QRSL1: variants seen among roughly 807,000 people sequenced by gnomAD.
QRSL1 encodes glutamyl-tRNA(Gln) amidotransferase subunit A, mitochondrial.
QRSL1 carries 54 observed loss-of-function variants against 61.6 expected under a neutral mutation model. That is an observed-to-expected ratio of 0.88 (90% CI 0.70 to 1.10). The LOEUF (loss-of-function observed/expected upper bound fraction) is 1.10, where lower values mean the gene tolerates loss of function less well. Ranked by LOEUF, QRSL1 falls within the 50% of genes least tolerant of loss-of-function variation. QRSL1 has a pLI of 0.00. For synonymous variants in QRSL1, 228 were observed against 225.7 expected (o/e 1.01, Z -0.09); for missense variants, 505 against 622.6 (o/e 0.81, Z 2.01).
intron 3 of QRSL1, among the ~76,000 whole-genome samples, chr6:106,641,957 TGGAA>T (rs2114703703): frequency 6.6e-6 from 1 of 152,356 alleles, no homozygotes; most frequent in African/African-American, 2.4e-5. Flanking sequence ...AAAAAATTAC[TGGAA>T]GGAAGTACAA....
At chr6:106,635,826 G>A (rs553066575) in intron 1 of QRSL1, among the ~76,000 whole-genome samples, 9 of 150,394 alleles carry the variant, frequency 6.0e-5, no homozygotes, top group Non-Finnish European at 7.4e-5. Flanking sequence ...AGCCGAGATC[G>A]CACCACTGCA....
At position 106,645,710 on chromosome 6, in the gene QRSL1, C is replaced by T. The variant is rs186538743; in HGVS notation, c.380+2620C>T. Among the ~76,000 whole-genome samples the T allele has an allele frequency of 1.2e-3, 184 of 152,318 alleles. 2 individuals are homozygous for T. The highest frequency in any genetic ancestry group is 4.2e-3 in the African/African-American group (176 of 41,580). ...TGTTGGGATTATAGGCGTGAGCCAC[C>T]GCCCCCAGCCATGTTTCTTAATGCT... On this transcript the variant is annotated intron_variant, in intron 4 of 10. Coordinates refer to ENST00000369046, the MANE Select transcript of QRSL1 (RefSeq NM_018292.5).
chr6:106,638,293 G>T (rs138916633), intron 1 of QRSL1, among the ~76,000 whole-genome samples: 2 of 135,936 alleles, frequency 1.5e-5, no homozygotes, highest in African/African-American at 5.4e-5. Flanking sequence ...TTCTTCTAGA[G>T]GGTTTACATT....
Position 106,652,544 on chromosome 6 carries a change from T to G in QRSL1, c.811T>G (p.Leu271Val). The change falls in exon 7 of 11, where the codon TTG (leucine) becomes GTG (valine). Residue 271 changes from leucine to valine, a missense_variant. Coordinates refer to ENST00000369046, the MANE Select transcript of QRSL1 (RefSeq NM_018292.5). The stretch of plus-strand genomic sequence containing the variant: ...TAATAAACCATTCATGCTTCCCAGT[T>G]TGGCAGATGTGAGCAAACTATGTAT... ...PINKPFMLPS[L>V]ADVSKLCIGI... 1 of 1,614,236 alleles carries G rather than the reference T, an allele frequency of 6.2e-7. No individual in the cohort carries two copies. The highest frequency in any genetic ancestry group is 8.5e-7 in the Non-Finnish European group (1 of 1,180,044).
chr6:106,648,856 T>C (rs1436664740), intron 4 of QRSL1, among the ~76,000 whole-genome samples, 169 bp from the exon 5 acceptor site: 1 of 152,230 alleles, frequency 6.6e-6, no homozygotes, highest in Non-Finnish European at 1.5e-5. Context: ...TCCGCAACTG[T>C]CAATTAATGA....
intron 1 of QRSL1, among the ~76,000 whole-genome samples, chr6:106,633,949 A>T (rs542135696): frequency 7.9e-5 from 5 of 63,258 alleles, no homozygotes; most frequent in South Asian, 4.0e-4. Context: ...TAAACACTTT[A>T]AAAAAAAAAA....
At position 106,652,548 on chromosome 6, in the gene QRSL1, C is replaced by T. The variant is rs747381954; in HGVS notation, c.815C>T (p.Ala272Val). The change falls in exon 7 of 11, where the codon GCA (alanine) becomes GTA (valine). Residue 272 changes from alanine to valine, a missense_variant. By Grantham distance (64) the Ala-to-Val change is moderately conservative. Transcript: ENST00000369046. ...AAACCATTCATGCTTCCCAGTTTGGCAGATGTGAGCAAACTATGTATAGGA... is the reference window on the plus strand; with the variant it reads ...AAACCATTCATGCTTCCCAGTTTGGTAGATGTGAGCAAACTATGTATAGGA... ...INKPFMLPSLADVSKLCIGIP... is the reference protein window; with the variant it reads ...INKPFMLPSLVDVSKLCIGIP... 16 of 1,614,070 alleles carry T rather than the reference C, an allele frequency of 9.9e-6. No homozygotes were observed. In the East Asian group the frequency reaches 3.1e-4, roughly 31 times the overall value.
chr6:106,656,894 C>T (rs1043715677), intron 9 of QRSL1, among the ~76,000 whole-genome samples: 2 of 152,204 alleles, frequency 1.3e-5, no homozygotes, highest in African/African-American at 4.8e-5. Flanking sequence ...TGGGTTCGAG[C>T]AATCCACCCA....
chr6:106,654,120 G>A (rs1188500691), intron 7 of QRSL1, among the ~76,000 whole-genome samples: 9 of 152,296 alleles, frequency 5.9e-5, no homozygotes, highest in African/African-American at 2.2e-4. Context: ...GGGAGGCCGA[G>A]GCGGGCAGAT....
chr6:106,660,210 T>G (rs994657420), intron 9 of QRSL1, among the ~76,000 whole-genome samples: 5 of 152,070 alleles, frequency 3.3e-5, no homozygotes, highest in African/African-American at 1.2e-4. Context: ...TTTCTTTTCT[T>G]TTTTTGGAGA....
At chr6:106,659,663 T>C (rs975977152) in intron 9 of QRSL1, among the ~76,000 whole-genome samples, 3 of 152,158 alleles carry the variant, frequency 2.0e-5, no homozygotes, top group African/African-American at 7.2e-5. Flanking sequence ...CTTTAAACAG[T>C]GTTGGGCTTT....
intron 7 of QRSL1, among the ~76,000 whole-genome samples, chr6:106,654,405 A>C (rs942273154): frequency 6.6e-6 from 1 of 150,854 alleles, no homozygotes; most frequent in Admixed American, 6.6e-5. Context: ...AGCATTTAAC[A>C]TATATGCTGA....
At chr6:106,630,035 C>G (rs1776785196) in intron 1 of QRSL1, among the ~76,000 whole-genome samples, 1 of 152,196 alleles carries the variant, frequency 6.6e-6, no homozygotes, top group Admixed American at 6.5e-5. Context: ...ACTTCAGTCT[C>G]TCTTCTGTCC....
intron 4 of QRSL1, among the ~76,000 whole-genome samples, chr6:106,645,829 C>T (rs1390315280): frequency 6.6e-6 from 1 of 152,204 alleles, no homozygotes; most frequent in Non-Finnish European, 1.5e-5. Context: ...ATCCCATGAC[C>T]TTGTTAAAGC....
chr6:106,663,144 G>A lies in QRSL1; in HGVS notation c.1325G>A (p.Ser442Asn), dbSNP rs1375377256. 3.7e-6 allele frequency: 6 copies of A among 1,614,190 alleles called. No homozygotes were observed. The highest frequency in any genetic ancestry group is 3.3e-5 in the South Asian group (3 of 91,076). Reference protein sequence around the residue: ...EFIKEDNRTRSAQDDIFTQAV... With the variant: ...EFIKEDNRTRNAQDDIFTQAV... ...ATCAAAGAGGACAACAGAACCCGAA[G>A]TGCCCAGGATGATATTTTTACACAA... The change falls in exon 10 of 11, where the codon AGT becomes AAT. Residue 442 changes from serine (S) to asparagine (N), a missense_variant. Transcript: ENST00000369046.
chr6:106,646,860 C>G (rs111949957), intron 4 of QRSL1, among the ~76,000 whole-genome samples: 14,914 of 151,634 alleles, frequency 0.098, 1,020 homozygotes, highest in African/African-American at 0.19. Flanking sequence ...AACCCTGTCT[C>G]TACTAAAAAT....
chr6:106,640,951 A>G, intron 3 of QRSL1, 30 bp downstream of exon 3: 6 of 1,510,660 alleles, frequency 4.0e-6, no homozygotes, highest in Non-Finnish European at 5.5e-6. Context: ...AGCATTGATA[A>G]TTTTATAAAA....
intron 3 of QRSL1, among the ~76,000 whole-genome samples, chr6:106,641,711 G>C (rs1384481043): frequency 6.6e-6 from 1 of 152,156 alleles, no homozygotes; most frequent in Non-Finnish European, 1.5e-5. Context: ...GAAAATTTTA[G>C]TTGAAAATAA....
chr6:106,658,627 A>G (rs1777308222), intron 9 of QRSL1, among the ~76,000 whole-genome samples: 1 of 151,524 alleles, frequency 6.6e-6, no homozygotes, highest in African/African-American at 2.4e-5. Context: ...TCTGGCTTAC[A>G]TAGTTTCTGA....
Sources: gnomAD v4.1 joint callset for allele counts (sites outside exome capture counted in the v4.1 genomes callset) on GRCh38, gnomAD v4.1.1 for gene constraint, MANE v1.5 for transcripts, NCBI Gene and HGNC (gene_info 2026-07-23, HGNC 2026-07-21) for gene names.